Variants in LRRTM4 observed in about 807,000 individuals in gnomAD.
LRRTM4 encodes leucine rich repeat transmembrane neuronal 4.
In LRRTM4, 25 loss-of-function variants were observed where a neutral mutation model predicts 47.6. The observed-to-expected ratio is 0.53, with a 90% CI of 0.38 to 0.73. The LOEUF (loss-of-function observed/expected upper bound fraction) is 0.73, where lower values mean the gene tolerates loss of function less well. LRRTM4 is among the 30% of genes least tolerant of loss of function. LRRTM4 has a pLI of 0.00. For missense variants in LRRTM4, 638 were observed against 713.4 expected (o/e 0.89, Z 1.20); for synonymous variants, 311 against 269.5 (o/e 1.15, Z -1.51).
chr2:76,840,524 G>A (rs1380903891), intron 3 of LRRTM4, among the ~76,000 whole-genome samples: 1 of 152,134 alleles, frequency 6.6e-6, no homozygotes, highest in Non-Finnish European at 1.5e-5. Context: ...TTTATGTGCA[G>A]TAAATGTAAA....
intron 3 of LRRTM4, 109 bp downstream of exon 3, chr2:77,518,209 G>A: frequency 7.3e-7 from 1 of 1,377,102 alleles, no homozygotes; most frequent in Non-Finnish European, 9.4e-7. Context: ...AAACCCAAAA[G>A]CAAAAGGGTC....
chr2:76,873,502 G>GTA (rs1672690488), intron 3 of LRRTM4, among the ~76,000 whole-genome samples: 1 of 65,478 alleles, frequency 1.5e-5, no homozygotes. Flanking sequence ...GTATATATAT[G>GTA]TGTGTATATA....
chr2:77,231,022 T>C (rs533046116), intron 3 of LRRTM4, among the ~76,000 whole-genome samples: 9 of 152,344 alleles, frequency 5.9e-5, no homozygotes, highest in African/African-American at 2.2e-4. Flanking sequence ...TGCAGATAAG[T>C]ATTTTCCAAA....
chr2:77,280,164 G>C (rs749078700), intron 3 of LRRTM4, among the ~76,000 whole-genome samples: 3 of 151,974 alleles, frequency 2.0e-5, no homozygotes, highest in Non-Finnish European at 2.9e-5. Context: ...TGGAAGAAAA[G>C]CAGAGAGAAA....
chr2:77,457,254 A>G (rs1676599630), intron 3 of LRRTM4, among the ~76,000 whole-genome samples: 1 of 151,828 alleles, frequency 6.6e-6, no homozygotes, highest in South Asian at 2.1e-4. Flanking sequence ...CTCACTACAA[A>G]ATCTGTTTTT....
intron 3 of LRRTM4, among the ~76,000 whole-genome samples, chr2:77,047,302 T>A (rs1222111660): frequency 6.6e-6 from 1 of 152,004 alleles, no homozygotes; most frequent in Non-Finnish European, 1.5e-5. Context: ...GCAGAATCCT[T>A]AAGGAAGGTA....
At chr2:77,462,595 C>T (rs1234693554) in intron 3 of LRRTM4, among the ~76,000 whole-genome samples, 1 of 138,846 alleles carries the variant, frequency 7.2e-6, no homozygotes, top group East Asian at 2.0e-4. Flanking sequence ...ACCACTGGCT[C>T]ACCAGGAAAA....
chr2:77,032,255 T>C (rs975431853), intron 3 of LRRTM4, among the ~76,000 whole-genome samples: 1 of 152,154 alleles, frequency 6.6e-6, no homozygotes, highest in East Asian at 1.9e-4. Context: ...GTTACGTAGG[T>C]AACTCTTTTA....
intron 3 of LRRTM4, among the ~76,000 whole-genome samples, chr2:77,207,694 G>T (rs553502344): frequency 6.6e-5 from 10 of 151,548 alleles, no homozygotes; most frequent in African/African-American, 2.4e-4. Flanking sequence ...ATTTTAGCTG[G>T]TCTCTAGGTT....
At chr2:77,165,709 C>A (rs537619355) in intron 3 of LRRTM4, among the ~76,000 whole-genome samples, 1 of 152,220 alleles carries the variant, frequency 6.6e-6, no homozygotes, top group East Asian at 1.9e-4. Flanking sequence ...AGACAAAAAC[C>A]ACATGATTAT....
In LRRTM4 at chr2:76,796,122, G is replaced by A. The variant is rs1474924030; in HGVS notation, c.1552-47206C>T. ...GCTTTTCAGACAGGCTTAAAAAAAC[G>A]GCACACCACAAGATTATATCCCGCA... On this transcript the variant is annotated intron_variant, in intron 3 of 3. Transcript: ENST00000409884. Among the ~76,000 whole-genome samples the A allele has an allele frequency of 4.0e-4, 57 of 141,046 alleles. 6 individuals are homozygous for A. The highest frequency in any genetic ancestry group is 1.7e-3 in the Admixed American group (24 of 14,228). The allele number at this position is 141,046 out of a possible 152,430, so 92.5% of individuals were successfully genotyped here. A position where few individuals can be genotyped will look rare whatever the true frequency, so the allele number is the denominator to read the frequency against.
intron 3 of LRRTM4, chr2:77,517,100 T>G (rs1192707597): frequency 2.0e-6 from 2 of 985,140 alleles, no homozygotes; most frequent in Non-Finnish European, 2.4e-6. Flanking sequence ...TAGTAGTCAG[T>G]CTTTGCACAT....
chr2:76,918,970 T>C (rs889071500), intron 3 of LRRTM4, among the ~76,000 whole-genome samples: 4 of 152,222 alleles, frequency 2.6e-5, no homozygotes, highest in Non-Finnish European at 5.9e-5. Context: ...TTACGGTTTA[T>C]TGCAGCAAAA....
At chr2:76,894,323 T>G (rs957964071) in intron 3 of LRRTM4, among the ~76,000 whole-genome samples, 1 of 152,094 alleles carries the variant, frequency 6.6e-6, no homozygotes, top group African/African-American at 2.4e-5. Context: ...CATGGCATAG[T>G]AGGTCCCCTT....
chr2:77,458,038 C>T (rs1420637629), intron 3 of LRRTM4, among the ~76,000 whole-genome samples: 3 of 152,240 alleles, frequency 2.0e-5, no homozygotes, highest in Non-Finnish European at 4.4e-5. Context: ...AATGCCAAAT[C>T]GTTCATAAGG....
At chr2:77,516,572 C>A in intron 3 of LRRTM4, 1 of 971,296 alleles carries the variant, frequency 1.0e-6, no homozygotes, top group Non-Finnish European at 1.2e-6. Context: ...ATAAGGAGAA[C>A]CCAGAATAAA....
chr2:77,125,381 C>A (rs187358076), intron 3 of LRRTM4, among the ~76,000 whole-genome samples: 12 of 152,256 alleles, frequency 7.9e-5, no homozygotes, highest in African/African-American at 2.4e-4. Flanking sequence ...TGAGTACAGT[C>A]CTTACTAGGG....
At chr2:77,162,066 C>T (rs1339983434) in intron 3 of LRRTM4, among the ~76,000 whole-genome samples, 1 of 152,120 alleles carries the variant, frequency 6.6e-6, no homozygotes, top group East Asian at 1.9e-4. Flanking sequence ...AATTCCCTTT[C>T]CTAGACAAGG....
chr2:76,938,350 ATAT>A (rs1461215902), intron 3 of LRRTM4, among the ~76,000 whole-genome samples: 2 of 151,886 alleles, frequency 1.3e-5, no homozygotes, highest in Non-Finnish European at 2.9e-5. Context: ...AGTGATAAAA[ATAT>A]TATGATGTAT....
Sources: allele counts gnomAD v4.1 joint callset (sites outside exome capture counted in the v4.1 genomes callset), GRCh38; gene constraint gnomAD v4.1.1; transcripts MANE v1.5; gene names NCBI Gene and HGNC (gene_info 2026-07-23, HGNC 2026-07-21).